The following NCAM2 variants were observed in gnomAD, a reference collection of about 807,000 sequenced individuals.
The protein encoded by NCAM2 is neural cell adhesion molecule 2, also known as N-CAM-2.
NCAM2 carries 30 observed loss-of-function variants against 98.1 expected under a neutral mutation model. The observed-to-expected ratio is 0.31, with a 90% confidence interval of 0.23 to 0.41. The LOEUF is 0.41. NCAM2 is among the 10% of genes least tolerant of loss of function. The pLI, the probability that NCAM2 is intolerant of heterozygous loss-of-function variation, is 1.00. For synonymous variants in NCAM2, 368 were observed against 342.4 expected, an observed-to-expected ratio of 1.07 and a Z score of -0.83; for missense variants, 867 against 1,005.8, an observed-to-expected ratio of 0.86 and a Z score of 1.87.
At chr21:21,160,121 G>A (rs1429045821) in intron 1 of NCAM2, among the ~76,000 whole-genome samples, 2 of 151,934 alleles carry the variant, frequency 1.3e-5, no homozygotes, top group Admixed American at 6.6e-5. Flanking sequence ...TATATGTACC[G>A]TGTAAATTTT....
At chr21:21,248,624 A>C (rs1054592185) in intron 1 of NCAM2, among the ~76,000 whole-genome samples, 5 of 151,784 alleles carry the variant, frequency 3.3e-5, no homozygotes, top group Non-Finnish European at 7.4e-5. Flanking sequence ...AAAATACAAA[A>C]AAATTAGCTG....
At chr21:21,231,341 C>A (rs909852716) in intron 1 of NCAM2, among the ~76,000 whole-genome samples, 24 of 151,314 alleles carry the variant, frequency 1.6e-4, no homozygotes, top group African/African-American at 5.5e-4. Context: ...GAGCAAAGTT[C>A]TGACAAAAAC....
At chr21:21,092,621 A>G (rs1033211733) in intron 1 of NCAM2, among the ~76,000 whole-genome samples, 4 of 151,514 alleles carry the variant, frequency 2.6e-5, no homozygotes, top group African/African-American at 9.7e-5. Flanking sequence ...CAAATTGTTG[A>G]CAAAATATTT....
At chr21:21,518,885 A>G (rs1301459651) in intron 16 of NCAM2, among the ~76,000 whole-genome samples, 1 of 152,160 alleles carries the variant, frequency 6.6e-6, no homozygotes, top group East Asian at 1.9e-4. Context: ...TCCAGTAGTG[A>G]TAAGCACTAA....
intron 1 of NCAM2, among the ~76,000 whole-genome samples, chr21:20,999,466 A>G: frequency 6.6e-6 from 1 of 152,292 alleles, no homozygotes; most frequent in Non-Finnish European, 1.5e-5. Context: ...TAGATAGTAA[A>G]CACTCACATG....
chr21:21,536,392 TC>T (rs2146433946), intron 17 of NCAM2, among the ~76,000 whole-genome samples: 1 of 136,886 alleles, frequency 7.3e-6, no homozygotes, highest in South Asian at 2.2e-4. Context: ...ACTATTTCTT[TC>T]TTTTTTTTTT....
At chr21:21,479,309 C>G (rs1415694736) in intron 15 of NCAM2, among the ~76,000 whole-genome samples, 1 of 151,928 alleles carries the variant, frequency 6.6e-6, no homozygotes, top group East Asian at 1.9e-4. Flanking sequence ...GTTGGCCGGG[C>G]GCGGTGGCTC....
intron 8 of NCAM2, among the ~76,000 whole-genome samples, chr21:21,361,722 A>G (rs960716539): frequency 4.6e-5 from 7 of 152,126 alleles, no homozygotes; most frequent in Non-Finnish European, 7.4e-5. Flanking sequence ...TCACTTGGAT[A>G]TTAAATAAAT....
In NCAM2 at chr21:21,461,783, G is replaced by A. The variant is rs190690895; in HGVS notation, c.1655-4823G>A. Reference sequence around the variant, plus strand: ...AACACAATATAATTTGTGCAAAAATGTAAATTTCAGAAGTAAGTGAAAATA... The same window carrying A: ...AACACAATATAATTTGTGCAAAAATATAAATTTCAGAAGTAAGTGAAAATA... On this transcript the variant is annotated intron_variant, in intron 12 of 17. Transcript: ENST00000400546. Among the ~76,000 whole-genome samples the A allele has an allele frequency of 1.1e-4, 16 of 151,946 alleles. No homozygotes were observed. The East Asian group carries it at 3.1e-3, about 29-fold the overall frequency.
intron 14 of NCAM2, among the ~76,000 whole-genome samples, chr21:21,469,966 G>C (rs777820932): frequency 7.2e-5 from 11 of 151,970 alleles, no homozygotes; most frequent in South Asian, 2.1e-4. Context: ...TGTTAGAACA[G>C]GCTTTCCATG....
intron 5 of NCAM2, among the ~76,000 whole-genome samples, chr21:21,316,567 ACTCTGT>A (rs2074228209): frequency 8.7e-6 from 1 of 114,696 alleles, no homozygotes; most frequent in African/African-American, 3.5e-5. Flanking sequence ...ACAGAGTCTC[ACTCTGT>A]TGCCCATGTT....
chr21:21,100,515 A>G (rs2066218338), intron 1 of NCAM2, among the ~76,000 whole-genome samples: 1 of 151,996 alleles, frequency 6.6e-6, no homozygotes, highest in Non-Finnish European at 1.5e-5. Context: ...GGAGCATGAC[A>G]TTGTAAATAG....
chr21:20,998,897 C>A (rs1176744656), intron 1 of NCAM2, among the ~76,000 whole-genome samples: 1 of 151,308 alleles, frequency 6.6e-6, no homozygotes, highest in Non-Finnish European at 1.5e-5. Context: ...TTTTTTTTTC[C>A]TCTGGGATTA....
At chr21:21,362,116 CT>C (rs571714563) in intron 8 of NCAM2, among the ~76,000 whole-genome samples, 143 of 146,550 alleles carry the variant, frequency 9.8e-4, no homozygotes, top group Middle Eastern at 7.1e-3. Context: ...ATTTCAGTAA[CT>C]TTTTTTTTTT....
chr21:21,099,630 G>A (rs922077134), intron 1 of NCAM2, among the ~76,000 whole-genome samples: 2 of 151,884 alleles, frequency 1.3e-5, no homozygotes, highest in Non-Finnish European at 2.9e-5. Flanking sequence ...CATGACATGT[G>A]GGGATTGTGG....
At chr21:21,441,991 C>G (rs1979353318) in intron 12 of NCAM2, among the ~76,000 whole-genome samples, 1 of 152,132 alleles carries the variant, frequency 6.6e-6, no homozygotes, top group African/African-American at 2.4e-5. Flanking sequence ...TTTCTCAAGT[C>G]TATGAAATCT....
chr21:21,008,880 C>T (rs1294877947), intron 1 of NCAM2, among the ~76,000 whole-genome samples: 1 of 152,126 alleles, frequency 6.6e-6, no homozygotes, highest in East Asian at 1.9e-4. Flanking sequence ...CATTACTGTG[C>T]ACACCAGTTC....
At chr21:21,395,634 T>C (rs1431191774) in intron 9 of NCAM2, among the ~76,000 whole-genome samples, 2 of 152,044 alleles carry the variant, frequency 1.3e-5, no homozygotes, top group Non-Finnish European at 2.9e-5. Flanking sequence ...TATAAGGCTA[T>C]AGTCAACAAA....
intron 15 of NCAM2, among the ~76,000 whole-genome samples, chr21:21,491,466 G>A (rs1387713011): frequency 6.6e-6 from 1 of 151,678 alleles, no homozygotes; most frequent in Admixed American, 6.6e-5. Context: ...TTAACATTCT[G>A]TGCTTATCCA....
Sources: allele counts gnomAD v4.1 joint callset (sites outside exome capture counted in the v4.1 genomes callset), GRCh38; gene constraint gnomAD v4.1.1; transcripts MANE v1.5; gene names NCBI Gene and HGNC (gene_info 2026-07-23, HGNC 2026-07-21).